ADAMTS18: variants seen among roughly 807,000 people sequenced by gnomAD.
The protein encoded by ADAMTS18 is ADAM metallopeptidase with thrombospondin type 1 motif 18, also known as A disintegrin and metalloproteinase with thrombospondin motifs 18.
In ADAMTS18, 157 loss-of-function variants were observed where a neutral mutation model predicts 165.9. That is an observed-to-expected ratio of 0.95 (90% confidence interval 0.83 to 1.08). ADAMTS18 has a LOEUF of 1.08. Among genes scored for constraint, ADAMTS18 ranks in the 50% least tolerant of loss-of-function variants. The probability of loss-of-function intolerance (pLI) is 0.00; values close to 1 mark genes in which losing one functional copy is unlikely to be tolerated. For missense variants in ADAMTS18, 2,040 were observed against 1,534.0 expected, an observed-to-expected ratio of 1.33 and a Z score of -5.51; for synonymous variants, 782 against 578.2, an observed-to-expected ratio of 1.35 and a Z score of -5.06.
intron 3 of ADAMTS18, among the ~76,000 whole-genome samples, chr16:77,423,318 A>C (rs1397263636): frequency 6.6e-6 from 1 of 152,106 alleles, no homozygotes; most frequent in African/African-American, 2.4e-5. Context: ...CTGCCTGTGG[A>C]TTGTAAGAAC....
intron 16 of ADAMTS18, among the ~76,000 whole-genome samples, chr16:77,310,545 T>C (rs1352930838): frequency 6.6e-6 from 1 of 152,200 alleles, no homozygotes; most frequent in Admixed American, 6.5e-5. Flanking sequence ...CCCAAAAGAA[T>C]GGAATCCACG....
Position 77,294,428 on chromosome 16 carries a change from A to G in ADAMTS18, c.3006+495T>C, listed in dbSNP as rs533298428. 3.3e-5 allele frequency among the ~76,000 whole-genome samples: 5 copies of G among 151,908 alleles called. No homozygotes were observed. The South Asian group carries it at 1.0e-3, about 32-fold the overall frequency. ...GCTTTAGAGGGAATTCTGAGCTGTG[A>G]ACGACAAGGTAGCTCTCTGTCCCTT... is the stretch of plus-strand genomic sequence containing the variant. On this transcript the variant is annotated intron_variant, in intron 19 of 22. Coordinates refer to ENST00000282849, the MANE Select transcript of ADAMTS18 (RefSeq NM_199355.4).
intron 3 of ADAMTS18, among the ~76,000 whole-genome samples, chr16:77,427,470 G>C (rs943947272): frequency 6.6e-6 from 1 of 152,180 alleles, no homozygotes; most frequent in Non-Finnish European, 1.5e-5. Context: ...GCTAGTCAGA[G>C]GGAGGCTGGA....
intron 13 of ADAMTS18, 136 bp from the exon 14 acceptor site, chr16:77,322,602 T>C (rs1354950161): frequency 7.3e-6 from 8 of 1,093,010 alleles, no homozygotes; most frequent in Middle Eastern, 2.7e-4. Flanking sequence ...TTTGCACATA[T>C]AAGCCCATAT....
At chr16:77,344,112 T>TATATATATGTATGTATACATAC (rs1255137659) in intron 10 of ADAMTS18, among the ~76,000 whole-genome samples, 9 of 147,536 alleles carry the variant, frequency 6.1e-5, no homozygotes, top group Non-Finnish European at 8.9e-5. Flanking sequence ...CAGATGTATA[T>TATATATATGTATGTATACATAC]ATATATATGT....
chr16:77,318,103 G>A (rs558456727), intron 16 of ADAMTS18, among the ~76,000 whole-genome samples: 17 of 152,172 alleles, frequency 1.1e-4, no homozygotes, highest in Admixed American at 5.2e-4. Flanking sequence ...AAAAATCATC[G>A]GACAAGTTTA....
intron 10 of ADAMTS18, among the ~76,000 whole-genome samples, chr16:77,353,209 T>C (rs368595660): frequency 2.0e-5 from 3 of 152,218 alleles, no homozygotes; most frequent in Non-Finnish European, 4.4e-5. Flanking sequence ...ACCTGGACTT[T>C]TGTACTTTCC....
At chr16:77,356,653 T>G (rs1300978458) in intron 8 of ADAMTS18, among the ~76,000 whole-genome samples, 2 of 152,164 alleles carry the variant, frequency 1.3e-5, no homozygotes, top group East Asian at 3.8e-4. Flanking sequence ...TTGAACCCCT[T>G]TATTGAAGGC....
rs3750157 is a variant in ADAMTS18 at position 77,431,662 on chromosome 16, T to C, written c.179-51A>G. On this transcript the variant is annotated intron_variant, in intron 2 of 22. Coordinates refer to ENST00000282849, the MANE Select transcript of ADAMTS18 (RefSeq NM_199355.4). The stretch of plus-strand genomic sequence containing the variant: ...AGCACCCAGAGCCCACAATTCCAAA[T>C]GGTCTCTTTCCAGCAAGCTGGCAAA... 1,396 of 1,594,824 alleles carry C rather than the reference T, an allele frequency of 8.8e-4. 40 individuals carry two copies. The East Asian group carries it at 0.03, about 35-fold the overall frequency.
rs765972416 is a variant in ADAMTS18, at chr16:77,295,115, A to T, written c.2814T>A (p.Gly938=). The T allele has an allele frequency of 6.2e-7, 1 of 1,614,106 alleles. No individual in the cohort carries two copies. The highest frequency in any genetic ancestry group is 8.5e-7 in the Non-Finnish European group (1 of 1,180,018). Reference sequence around the variant, plus strand: ...AGGCCTTGCTGCATGTACTCCATTCACCTGGCATCCAGCTTTCAGTGCAAA... The same window carrying T: ...AGGCCTTGCTGCATGTACTCCATTCTCCTGGCATCCAGCTTTCAGTGCAAA... ...AFSCPAYWMP[G]EWSTCSKACA... is the part of the protein sequence containing the mutation. Residue 938 remains glycine, a synonymous_variant, in exon 19 of 23, where the codon GGT becomes GGA. Coordinates refer to ENST00000282849, the MANE Select transcript of ADAMTS18 (RefSeq NM_199355.4).
chr16:77,406,236 G>A (rs140675664), intron 3 of ADAMTS18, among the ~76,000 whole-genome samples: 152 of 152,068 alleles, frequency 1.0e-3, no homozygotes, highest in African/African-American at 3.5e-3. Context: ...TCCATTTACT[G>A]AGGAAAAAAA....
chr16:77,403,132 G>A (rs2057352165), intron 3 of ADAMTS18, among the ~76,000 whole-genome samples: 1 of 152,160 alleles, frequency 6.6e-6, no homozygotes, highest in South Asian at 2.1e-4. Context: ...TGTCAAATTT[G>A]TAGTTAAGGC....
intron 3 of ADAMTS18, among the ~76,000 whole-genome samples, chr16:77,429,580 C>A (rs909623106): frequency 3.3e-5 from 5 of 151,966 alleles, no homozygotes; most frequent in African/African-American, 7.3e-5. Context: ...ACCCCTGAAC[C>A]TAAAAGTTTT....
intron 3 of ADAMTS18, among the ~76,000 whole-genome samples, chr16:77,422,771 C>G (rs572290892): frequency 6.6e-6 from 1 of 152,220 alleles, no homozygotes; most frequent in East Asian, 1.9e-4. Context: ...TACTGAAAGT[C>G]TTACAATATA....
intron 3 of ADAMTS18, among the ~76,000 whole-genome samples, chr16:77,398,037 C>T (rs2057280577): frequency 1.3e-5 from 2 of 152,094 alleles, no homozygotes; most frequent in South Asian, 2.1e-4. Context: ...AGAGGAAGGG[C>T]CGGGCATGGT....
Position 77,364,223 on chromosome 16 carries a change from T to C in ADAMTS18, c.937A>G (p.Asn313Asp). Residue 313 changes from asparagine to aspartate, a missense_variant, in exon 5 of 23, where the codon AAT becomes GAT. Coordinates refer to ENST00000282849, the MANE Select transcript of ADAMTS18 (RefSeq NM_199355.4). ...ACTGTGAGAATGTATGTGGTGACAT[T>C]TCCCTTGCCATGCTTTTCCACCATT... Reference protein sequence around the residue: ...KKMVEKHGKGNVTTYILTVMN... With the variant: ...KKMVEKHGKGDVTTYILTVMN... 6.2e-7 allele frequency: 1 copy of C among 1,614,060 alleles called. No individual in the cohort carries two copies. Among genetic ancestry groups the C allele is most frequent in the Middle Eastern group, 1.6e-4 (1 of 6,062 alleles).
chr16:77,337,424 A>C (rs2056327153), intron 11 of ADAMTS18, among the ~76,000 whole-genome samples: 1 of 152,210 alleles, frequency 6.6e-6, no homozygotes, highest in Non-Finnish European at 1.5e-5. Flanking sequence ...CTTGCAAAGC[A>C]CTGAATTAAA....
chr16:77,353,598 G>T, intron 10 of ADAMTS18, 135 bp downstream of exon 10: 2 of 1,211,478 alleles, frequency 1.7e-6, no homozygotes, highest in Non-Finnish European at 2.4e-6. Flanking sequence ...TAATTATCAT[G>T]CCAAACAACT....
chr16:77,402,606 T>G (rs940785501), intron 3 of ADAMTS18, among the ~76,000 whole-genome samples: 3 of 152,244 alleles, frequency 2.0e-5, no homozygotes, highest in African/African-American at 7.2e-5. Flanking sequence ...TAAATAACTT[T>G]TAAAAATAAC....
Sources: allele counts gnomAD v4.1 joint callset (sites outside exome capture counted in the v4.1 genomes callset), GRCh38; gene constraint gnomAD v4.1.1; transcripts MANE v1.5; gene names NCBI Gene and HGNC (gene_info 2026-07-23, HGNC 2026-07-21).